The following S100Z variants were observed in gnomAD, a reference collection of about 807,000 sequenced individuals.
S100Z encodes protein S100-Z.
Under a neutral mutation model 8.5 loss-of-function variants are expected in S100Z, and 11 were observed. The ratio of observed to expected loss-of-function variants is 1.30; its 90% CI spans 0.82 to 2.15. The LOEUF is 2.15. S100Z is among the 30% of genes most tolerant of loss of function. S100Z has a pLI of 0.00. For synonymous variants in S100Z, 34 were observed against 43.8 expected, an observed-to-expected ratio of 0.78 and a Z score of 0.89; for missense variants, 126 against 117.9, an observed-to-expected ratio of 1.07 and a Z score of -0.32.
At chr5:76,898,623 C>T (rs531685409) in intron 4 of S100Z, among the ~76,000 whole-genome samples, 4 of 152,020 alleles carry the variant, frequency 2.6e-5, no homozygotes, top group Non-Finnish European at 5.9e-5. Flanking sequence ...TTATGTTGAA[C>T]CACTCTTGCA....
At chr5:76,906,980 A>G (rs1348090338) in intron 4 of S100Z, among the ~76,000 whole-genome samples, 428 of 4,322 alleles carry the variant, frequency 0.099, 3 homozygotes, top group East Asian at 0.33. Flanking sequence ...GTGTGTGTAT[A>G]TATATATATA....
chr5:76,850,353 A>AGGGAGAGG (rs34568332), intron 1 of S100Z, among the ~76,000 whole-genome samples, 198 bp downstream of exon 1: 1 of 132,064 alleles, frequency 7.6e-6, no homozygotes, highest in Non-Finnish European at 1.6e-5. Context: ...AGAGAGAGAG[A>AGGGAGAGG]GAGAGGGAGA....
intron 1 of S100Z, among the ~76,000 whole-genome samples, chr5:76,867,459 CTCT>C (rs1742803583): frequency 6.6e-6 from 1 of 152,158 alleles, no homozygotes; most frequent in African/African-American, 2.4e-5. Flanking sequence ...GACAGGATGC[CTCT>C]TCTTCACATA....
At chr5:76,863,823 C>T (rs1410653875) in intron 1 of S100Z, among the ~76,000 whole-genome samples, 2 of 152,196 alleles carry the variant, frequency 1.3e-5, no homozygotes, top group Admixed American at 6.5e-5. Context: ...CAGGTGTGAG[C>T]CACTGCGCCC....
At chr5:76,920,200 C>T (rs1176734181) in intron 4 of S100Z, among the ~76,000 whole-genome samples, 5 of 152,184 alleles carry the variant, frequency 3.3e-5, no homozygotes, top group East Asian at 1.9e-4. Context: ...TGAGCCACCA[C>T]GCCCGGCTCA....
At chr5:76,930,832 G>T in the S100Z span, among the ~76,000 whole-genome samples, 2 of 152,108 alleles carry the variant, frequency 1.3e-5, no homozygotes, top group Non-Finnish European at 2.9e-5. Context: ...GAGGCCCTAT[G>T]ATTTCCTGGA....
chr5:76,863,739 C>CAT (rs1751153202), intron 1 of S100Z, among the ~76,000 whole-genome samples: 1 of 151,932 alleles, frequency 6.6e-6, no homozygotes, highest in Non-Finnish European at 1.5e-5. Flanking sequence ...GGGGTTTCAC[C>CAT]GTGTTAGCCA....
chr5:76,865,221 G>A (rs1751226106), intron 1 of S100Z, among the ~76,000 whole-genome samples: 1 of 148,552 alleles, frequency 6.7e-6, no homozygotes, highest in Non-Finnish European at 1.5e-5. Context: ...AGGCTAATGT[G>A]TGTGTTTGTG....
intron 4 of S100Z, among the ~76,000 whole-genome samples, chr5:76,895,289 C>G (rs1461207305): frequency 6.6e-6 from 1 of 152,100 alleles, no homozygotes; most frequent in African/African-American, 2.4e-5. Flanking sequence ...GCCATTTGCC[C>G]CTTCATGGAA....
chr5:76,904,358 C>A, intron 4 of S100Z, among the ~76,000 whole-genome samples: 1 of 152,112 alleles, frequency 6.6e-6, no homozygotes, highest in Non-Finnish European at 1.5e-5. Context: ...CAGCTCACTG[C>A]AACCTCTGCC....
chr5:76,867,891 A>G (rs1174602433), intron 1 of S100Z, among the ~76,000 whole-genome samples: 1 of 152,086 alleles, frequency 6.6e-6, no homozygotes, highest in Non-Finnish European at 1.5e-5. Context: ...CACAGTCATT[A>G]CCTTTAAGCT....
chr5:76,898,639 A>T (rs188700219), intron 4 of S100Z, among the ~76,000 whole-genome samples: 2,191 of 152,280 alleles, frequency 0.014, 63 homozygotes, highest in East Asian at 0.11. Flanking sequence ...TTGCATTCCA[A>T]GAATACATAT....
chr5:76,884,863 C>T (rs1743545496), intron 4 of S100Z, among the ~76,000 whole-genome samples: 1 of 151,878 alleles, frequency 6.6e-6, no homozygotes, highest in African/African-American at 2.4e-5. Context: ...AAGAAGGATT[C>T]AAAGGACTCA....
chr5:76,851,173 T>C (rs1282997953), intron 1 of S100Z, among the ~76,000 whole-genome samples: 1 of 152,154 alleles, frequency 6.6e-6, no homozygotes, highest in Non-Finnish European at 1.5e-5. Context: ...GAGGCTTCCC[T>C]GGAGGACTGG....
chr5:76,921,999 A>G (rs1012849691), downstream of S100Z, among the ~76,000 whole-genome samples: 30 of 149,194 alleles, frequency 2.0e-4, no homozygotes, highest in African/African-American at 7.2e-4. Flanking sequence ...AAAAAAAAAA[A>G]AAAAGAAAAA....
chr5:76,887,939 TC>T (rs896031779), intron 4 of S100Z, among the ~76,000 whole-genome samples: 28 of 152,082 alleles, frequency 1.8e-4, no homozygotes, highest in African/African-American at 6.8e-4. Context: ...CTTCTGTCTT[TC>T]AAAAGTTATG....
intron 4 of S100Z, among the ~76,000 whole-genome samples, chr5:76,883,748 C>T (rs1038686257): frequency 7.2e-5 from 11 of 152,130 alleles, no homozygotes; most frequent in South Asian, 2.1e-4. Flanking sequence ...TTGGACAGTC[C>T]GATTTCCACT....
chr5:76,877,300 G>T (rs1346797952), intron 3 of S100Z, among the ~76,000 whole-genome samples: 1 of 152,098 alleles, frequency 6.6e-6, no homozygotes, highest in Non-Finnish European at 1.5e-5. Context: ...AAATTCGCTC[G>T]TTGGTATTTT....
chr5:76,940,435 T>A, the S100Z span, among the ~76,000 whole-genome samples: 3 of 151,448 alleles, frequency 2.0e-5, no homozygotes, highest in African/African-American at 7.3e-5. Flanking sequence ...TTTTTTGAGA[T>A]GGAACCTTGC....
Sources: allele counts gnomAD v4.1 joint callset (sites outside exome capture counted in the v4.1 genomes callset), GRCh38; gene constraint gnomAD v4.1.1; transcripts MANE v1.5; gene names NCBI Gene and HGNC (gene_info 2026-07-23, HGNC 2026-07-21).